The following ROBO1 variants were observed in gnomAD, a reference collection of about 807,000 sequenced individuals.
ROBO1 encodes the protein roundabout guidance receptor 1, also known as roundabout homolog 1.
A neutral mutation model predicts 195.9 loss-of-function variants in ROBO1; 149 were observed. That is an observed-to-expected ratio of 0.76 (90% CI 0.67 to 0.87). The LOEUF is 0.87. ROBO1 is among the 40% of genes least tolerant of loss of function. The pLI is 0.00. For synonymous variants in ROBO1, 816 were observed against 733.2 expected, an observed-to-expected ratio of 1.11 and a Z score of -1.82; for missense variants, 1,933 against 2,068.3, an observed-to-expected ratio of 0.93 and a Z score of 1.27.
At chr3:79,683,177 T>C (rs1198955583) in intron 1 of ROBO1, among the ~76,000 whole-genome samples, 2 of 151,986 alleles carry the variant, frequency 1.3e-5, no homozygotes, top group Non-Finnish European at 2.9e-5. Flanking sequence ...AACAATAGTT[T>C]AATGTCTCCA....
At chr3:79,435,238 C>T (rs576776609) in intron 2 of ROBO1, among the ~76,000 whole-genome samples, 82 of 151,844 alleles carry the variant, frequency 5.4e-4, no homozygotes, top group African/African-American at 1.9e-3. Flanking sequence ...AAAAATAAAA[C>T]AAGGTTCTTT....
chr3:78,952,390 A>T lies in ROBO1; in HGVS notation c.173-13463T>A, dbSNP rs566362530. Among the ~76,000 whole-genome samples the T allele has an allele frequency of 2.1e-4, 32 of 150,534 alleles. No homozygotes were observed. The East Asian group carries it at 6.2e-3, about 29-fold the overall frequency. ...AATATATAAAAATCTATATATTTATATATAGGTTCAAACCTATATTCTTAA... is the reference window on the plus strand; with the variant it reads ...AATATATAAAAATCTATATATTTATTTATAGGTTCAAACCTATATTCTTAA... On this transcript the variant is annotated intron_variant, in intron 3 of 30. Coordinates refer to ENST00000464233, the MANE Select transcript of ROBO1 (RefSeq NM_002941.4).
chr3:78,601,897 C>A (rs1703192208), intron 29 of ROBO1, among the ~76,000 whole-genome samples: 1 of 152,096 alleles, frequency 6.6e-6, no homozygotes, highest in Non-Finnish European at 1.5e-5. Flanking sequence ...CCTGGTCAAT[C>A]TTCTGTGAGC....
At chr3:79,376,727 TAC>T (rs1450434102) in intron 2 of ROBO1, among the ~76,000 whole-genome samples, 1 of 152,196 alleles carries the variant, frequency 6.6e-6, no homozygotes, top group Admixed American at 6.5e-5. Context: ...CTTTATAAGT[TAC>T]ACAGTCTTGG....
chr3:79,345,409 G>A (rs2035072477), intron 2 of ROBO1, among the ~76,000 whole-genome samples: 3 of 152,052 alleles, frequency 2.0e-5, no homozygotes, highest in African/African-American at 7.2e-5. Flanking sequence ...TGACAGCTTT[G>A]GCCAGTCTCC....
chr3:79,523,849 C>T (rs912305842), intron 2 of ROBO1, among the ~76,000 whole-genome samples: 1 of 152,034 alleles, frequency 6.6e-6, no homozygotes, highest in Non-Finnish European at 1.5e-5. Context: ...TGATTTTGTG[C>T]AAACAGAAAA....
At chr3:79,483,223 G>T (rs1426201696) in intron 2 of ROBO1, among the ~76,000 whole-genome samples, 1 of 152,120 alleles carries the variant, frequency 6.6e-6, no homozygotes, top group African/African-American at 2.4e-5. Context: ...GTGAAAAATG[G>T]CAGATGGCTG....
chr3:79,297,526 C>A (rs2032659480), intron 2 of ROBO1, among the ~76,000 whole-genome samples: 1 of 152,078 alleles, frequency 6.6e-6, no homozygotes, highest in African/African-American at 2.4e-5. Flanking sequence ...TTGTGACTCA[C>A]ACAAAAACTC....
chr3:78,866,496 C>T (rs1228493136), intron 4 of ROBO1, among the ~76,000 whole-genome samples: 1 of 152,148 alleles, frequency 6.6e-6, no homozygotes. Context: ...TTTCCATTCG[C>T]ACCCTCCCAT....
At chr3:79,557,390 T>C (rs1175209489) in intron 2 of ROBO1, among the ~76,000 whole-genome samples, 2 of 152,096 alleles carry the variant, frequency 1.3e-5, no homozygotes, top group African/African-American at 4.8e-5. Context: ...TTTAAATTTC[T>C]TTTTCAGATA....
At chr3:78,633,851 T>G (rs1705324666) in intron 24 of ROBO1, 84 bp downstream of exon 24, 5 of 803,132 alleles carry the variant, frequency 6.2e-6, no homozygotes, top group Non-Finnish European at 8.2e-6. Flanking sequence ...GTCACCTACA[T>G]ACGTCAGTCC....
At chr3:78,901,638 T>C (rs2037593882) in intron 4 of ROBO1, among the ~76,000 whole-genome samples, 1 of 152,138 alleles carries the variant, frequency 6.6e-6, no homozygotes, top group Non-Finnish European at 1.5e-5. Context: ...GCAGTGGGAG[T>C]AATGTGTCTC....
chr3:79,757,171 T>C (rs1704452039), intron 1 of ROBO1, among the ~76,000 whole-genome samples: 1 of 152,218 alleles, frequency 6.6e-6, no homozygotes, highest in South Asian at 2.1e-4. Context: ...TCTTGTGATA[T>C]GTACCCAGAA....
At chr3:78,718,276 G>T (rs1357247705) in intron 5 of ROBO1, among the ~76,000 whole-genome samples, 2 of 152,150 alleles carry the variant, frequency 1.3e-5, no homozygotes. Context: ...AATTAATATA[G>T]AAATATGTAT....
intron 18 of ROBO1, among the ~76,000 whole-genome samples, chr3:78,655,507 A>G (rs371693511): frequency 3.3e-5 from 5 of 152,258 alleles, no homozygotes; most frequent in South Asian, 4.1e-4. Flanking sequence ...ATGATCCTCA[A>G]TGTGTGTGTG....
chr3:79,035,141 G>A (rs1348816621), intron 3 of ROBO1, among the ~76,000 whole-genome samples: 1 of 151,912 alleles, frequency 6.6e-6, no homozygotes, highest in Non-Finnish European at 1.5e-5. Context: ...AATGTTTTCA[G>A]TATGTTTATA....
At chr3:79,414,201 C>T (rs1231440833) in intron 2 of ROBO1, among the ~76,000 whole-genome samples, 2 of 149,696 alleles carry the variant, frequency 1.3e-5, no homozygotes, top group Non-Finnish European at 3.0e-5. Context: ...CTCTCTCTTT[C>T]TCTCTCTCTC....
At chr3:79,166,262 G>GA (rs1286329792) in intron 2 of ROBO1, among the ~76,000 whole-genome samples, 2 of 152,056 alleles carry the variant, frequency 1.3e-5, no homozygotes, top group Admixed American at 6.6e-5. Context: ...ACTTCTGTTA[G>GA]AAAAAAATAG....
intron 9 of ROBO1, among the ~76,000 whole-genome samples, chr3:78,686,246 T>C (rs1575933505): frequency 6.6e-6 from 1 of 152,094 alleles, no homozygotes. Context: ...TTTTAAGCAA[T>C]ATTAGATATA....
Sources: allele counts gnomAD v4.1 joint callset (sites outside exome capture counted in the v4.1 genomes callset), GRCh38; gene constraint gnomAD v4.1.1; transcripts MANE v1.5; gene names NCBI Gene and HGNC (gene_info 2026-07-23, HGNC 2026-07-21).